JAZF1: variants seen among roughly 807,000 people sequenced by gnomAD.
JAZF1 encodes the protein juxtaposed with another zinc finger protein 1.
JAZF1 carries 8 observed loss-of-function variants against 26.4 expected under a neutral mutation model. The observed-to-expected ratio is 0.30, with a 90% CI of 0.18 to 0.55. The LOEUF (loss-of-function observed/expected upper bound fraction) is 0.55, where lower values mean the gene tolerates loss of function less well. JAZF1 is among the 20% of genes least tolerant of loss of function. JAZF1 has a pLI of 0.94. For synonymous variants in JAZF1, 126 were observed against 122.3 expected (o/e 1.03, Z -0.20); for missense variants, 199 against 322.0 (o/e 0.62, Z 2.92).
At chr7:28,128,039 T>C (rs1439415091) in intron 1 of JAZF1, among the ~76,000 whole-genome samples, 1 of 151,980 alleles carries the variant, frequency 6.6e-6, no homozygotes, top group Non-Finnish European at 1.5e-5. Flanking sequence ...TACCACTCAA[T>C]TACAAAAAAG....
intron 3 of JAZF1, among the ~76,000 whole-genome samples, chr7:27,860,898 CTT>C (rs1783368158): frequency 6.6e-6 from 1 of 152,068 alleles, no homozygotes; most frequent in Admixed American, 6.6e-5. Flanking sequence ...AAGAGACAGT[CTT>C]TGGGCACCTG....
At chr7:28,141,614 G>A (rs1353866441) in intron 1 of JAZF1, among the ~76,000 whole-genome samples, 1 of 152,042 alleles carries the variant, frequency 6.6e-6, no homozygotes, top group African/African-American at 2.4e-5. Context: ...AACTAAAAAA[G>A]AAAAAGAAAT....
At chr7:27,909,353 C>T (rs1296810126) in intron 2 of JAZF1, among the ~76,000 whole-genome samples, 2 of 151,740 alleles carry the variant, frequency 1.3e-5, no homozygotes, top group Non-Finnish European at 2.9e-5. Flanking sequence ...ATGGAAAGGA[C>T]GCAGATGTTG....
intron 3 of JAZF1, chr7:27,843,097 A>AC (rs1172004983): frequency 1.3e-5 from 2 of 152,234 alleles, no homozygotes; most frequent in East Asian, 3.9e-4. Context: ...AAGTTGGAAC[A>AC]CTTCTGAGAG....
intron 3 of JAZF1, among the ~76,000 whole-genome samples, chr7:27,891,633 C>T (rs894122511): frequency 1.3e-5 from 2 of 151,402 alleles, no homozygotes; most frequent in African/African-American, 4.9e-5. Context: ...TCAAGACCAG[C>T]CTGGGCAACA....
intron 2 of JAZF1, among the ~76,000 whole-genome samples, chr7:27,982,010 C>T (rs774010537): frequency 5.3e-5 from 8 of 152,178 alleles, no homozygotes; most frequent in Admixed American, 2.0e-4. Context: ...CCAAGATGGC[C>T]GAATAGGAAC....
In JAZF1 at chr7:27,832,338, A is replaced by G. The variant is rs1310212232; in HGVS notation, c.*462T>C. 4.6e-6 allele frequency: 1 copy of G among 219,284 alleles called. No individual in the cohort carries two copies. The highest frequency in any genetic ancestry group is 9.2e-6 in the Non-Finnish European group (1 of 109,070). The allele number at this position is 219,284 out of a possible 1,614,324, so 13.6% of individuals were successfully genotyped here. ...CTCACAAATACTAACTCCATTATGT[A>G]AGGCATGGTAACCAGTTTGATAATG... On this transcript the variant is annotated 3_prime_UTR_variant, in exon 5 of 5. Coordinates refer to ENST00000283928, the MANE Select transcript of JAZF1 (RefSeq NM_175061.4).
At chr7:27,957,848 G>T (rs1785125437) in intron 2 of JAZF1, among the ~76,000 whole-genome samples, 1 of 152,110 alleles carries the variant, frequency 6.6e-6, no homozygotes, top group Non-Finnish European at 1.5e-5. Flanking sequence ...AAAATTCTAA[G>T]AATAGCATGT....
intron 1 of JAZF1, among the ~76,000 whole-genome samples, chr7:28,042,659 G>A (rs930308970): frequency 6.6e-6 from 1 of 152,114 alleles, no homozygotes; most frequent in Admixed American, 6.5e-5. Flanking sequence ...GTCAATGATG[G>A]AACACTTACG....
chr7:27,872,819 AT>A (rs143606378), intron 3 of JAZF1, among the ~76,000 whole-genome samples: 16 of 150,224 alleles, frequency 1.1e-4, no homozygotes, highest in East Asian at 3.9e-4. Context: ...CTTGGGTTCG[AT>A]TTTTTTTTTC....
intron 3 of JAZF1, among the ~76,000 whole-genome samples, chr7:27,889,259 A>G (rs1172985102): frequency 6.6e-6 from 1 of 152,016 alleles, no homozygotes; most frequent in African/African-American, 2.4e-5. Context: ...GTTCATCCTG[A>G]TCGAAAATCA....
intron 4 of JAZF1, among the ~76,000 whole-genome samples, chr7:27,833,760 G>A (rs984508242): frequency 5.9e-5 from 9 of 152,100 alleles, no homozygotes; most frequent in African/African-American, 2.2e-4. Flanking sequence ...CTGTTTGTCG[G>A]TTTTGCTAGT....
At chr7:27,940,925 T>A (rs1784837540) in intron 2 of JAZF1, among the ~76,000 whole-genome samples, 1 of 152,232 alleles carries the variant, frequency 6.6e-6, no homozygotes, top group African/African-American at 2.4e-5. Flanking sequence ...GGCCTGGTAA[T>A]ATAGTGGCCT....
At chr7:28,090,129 C>T (rs757667614) in intron 1 of JAZF1, among the ~76,000 whole-genome samples, 1 of 152,224 alleles carries the variant, frequency 6.6e-6, no homozygotes, top group Non-Finnish European at 1.5e-5. Flanking sequence ...ACAAGTTACT[C>T]AACCTCTTTA....
At chr7:27,884,470 AC>A (rs1307912500) in intron 3 of JAZF1, among the ~76,000 whole-genome samples, 3 of 152,182 alleles carry the variant, frequency 2.0e-5, no homozygotes, top group Admixed American at 6.5e-5. Flanking sequence ...CATTTGTGAA[AC>A]CAACATCCCA....
chr7:27,953,568 C>T (rs923354283), intron 2 of JAZF1, among the ~76,000 whole-genome samples: 4 of 152,148 alleles, frequency 2.6e-5, no homozygotes, highest in African/African-American at 9.7e-5. Context: ...GGATGCCTGA[C>T]CTCAGAATCC....
At chr7:28,149,574 T>C (rs1452649101) in intron 1 of JAZF1, among the ~76,000 whole-genome samples, 2 of 151,900 alleles carry the variant, frequency 1.3e-5, no homozygotes, top group Admixed American at 6.6e-5. Flanking sequence ...GTGTCAGAAA[T>C]AGGGAGGTGC....
intron 2 of JAZF1, among the ~76,000 whole-genome samples, chr7:27,902,795 T>A (rs763484496): frequency 4.6e-5 from 7 of 152,072 alleles, no homozygotes; most frequent in Non-Finnish European, 8.8e-5. Context: ...GATGGGCAGA[T>A]CACAAGGTCA....
chr7:28,058,865 TA>T (rs1279427890), intron 1 of JAZF1, among the ~76,000 whole-genome samples: 1 of 152,206 alleles, frequency 6.6e-6, no homozygotes, highest in Non-Finnish European at 1.5e-5. Flanking sequence ...TACATGCCCT[TA>T]AAATGCTCTG....
Sources: allele counts gnomAD v4.1 joint callset (sites outside exome capture counted in the v4.1 genomes callset), GRCh38; gene constraint gnomAD v4.1.1; transcripts MANE v1.5; gene names NCBI Gene and HGNC (gene_info 2026-07-23, HGNC 2026-07-21).